Variants in GLIS3 observed in about 807,000 individuals in gnomAD.
GLIS3 encodes the protein zinc finger protein GLIS3.
A neutral mutation model predicts 78.6 loss-of-function variants in GLIS3; 53 were observed. The ratio of observed to expected loss-of-function variants is 0.67; its 90% CI spans 0.54 to 0.85. The LOEUF is 0.85. Ranked by LOEUF, GLIS3 falls within the 40% of genes least tolerant of loss-of-function variation. GLIS3 has a pLI of 0.00. For missense variants in GLIS3, 1,703 were observed against 1,231.1 expected, an observed-to-expected ratio of 1.38 and a Z score of -5.74; for synonymous variants, 684 against 509.9, an observed-to-expected ratio of 1.34 and a Z score of -4.60.
chr9:3,986,342 G>A (rs1407572506), intron 4 of GLIS3, among the ~76,000 whole-genome samples: 1 of 152,176 alleles, frequency 6.6e-6, no homozygotes. Flanking sequence ...TGATCACTAT[G>A]AATTAAATTC....
At chr9:4,420,951 T>G in the GLIS3 span, among the ~76,000 whole-genome samples, 2 of 152,344 alleles carry the variant, frequency 1.3e-5, no homozygotes, top group East Asian at 3.9e-4. Context: ...GAATATTTAT[T>G]TATTCTGGTC....
In GLIS3 at chr9:4,118,087, G is replaced by T; in HGVS notation, c.1391C>A (p.Ala464Asp). 6.4e-7 allele frequency: 1 copy of T among 1,561,524 alleles called. No individual in the cohort carries two copies. The highest frequency in any genetic ancestry group is 8.7e-7 in the Non-Finnish European group (1 of 1,152,228). Residue 464 changes from alanine to aspartate, a missense_variant, in exon 4 of 11, where the codon GCC becomes GAC. Ala to Asp is a moderately radical substitution (Grantham distance 126). Transcript: ENST00000381971. The surrounding 1 kb of genome is among the most constrained non-coding windows in gnomAD (Gnocchi z 4.7). ...CTCCGGGTGGTGAAGGTGCGCATGGGCATGGTAAGGGGGTGGGGGGCCTGG... is the reference window on the plus strand; with the variant it reads ...CTCCGGGTGGTGAAGGTGCGCATGGTCATGGTAAGGGGGTGGGGGGCCTGG... ...PPPGPPPPYHAHAHLHHPELG... is the reference protein window; with the variant it reads ...PPPGPPPPYHDHAHLHHPELG...
intron 2 of GLIS3, among the ~76,000 whole-genome samples, chr9:4,249,977 C>T (rs1195232216): frequency 1.3e-5 from 2 of 152,030 alleles, no homozygotes; most frequent in East Asian, 1.9e-4. Context: ...GCCAACTTGA[C>T]CGTGGTGGAT....
rs143332810 is a variant in GLIS3 at position 3,909,107 on chromosome 9, G to A, written c.1984-10272C>T. 2.3e-3 allele frequency among the ~76,000 whole-genome samples: 343 copies of A among 152,288 alleles called. 1 individual carries two copies. Among genetic ancestry groups the A allele is most frequent in the Admixed American group, 4.0e-3 (61 of 15,302 alleles). ...CACCAAAATATGTTCCAGAAGAAAC[G>A]AAGCCAGAAGGAAAGACAGTAGGAT... On this transcript the variant is annotated intron_variant, in intron 6 of 10. Transcript: ENST00000381971.
At chr9:3,859,350 AACACAC>A (rs34973607) in intron 8 of GLIS3, among the ~76,000 whole-genome samples, 7,961 of 148,456 alleles carry the variant, frequency 0.054, 293 homozygotes, top group Middle Eastern at 0.098. Flanking sequence ...GTTTCTTCGA[AACACAC>A]ACACACACAC....
At chr9:4,175,786 TC>T (rs1302682602) in intron 2 of GLIS3, among the ~76,000 whole-genome samples, 1 of 152,228 alleles carries the variant, frequency 6.6e-6, no homozygotes, top group Admixed American at 6.5e-5. Context: ...TCCTTTTACA[TC>T]AATTCATGCA....
intron 9 of GLIS3, among the ~76,000 whole-genome samples, chr9:3,837,578 T>C (rs1274740757): frequency 6.6e-6 from 1 of 152,192 alleles, no homozygotes; most frequent in Non-Finnish European, 1.5e-5. Flanking sequence ...CAATGGAATA[T>C]TATTCAGCAC....
intron 4 of GLIS3, among the ~76,000 whole-genome samples, chr9:4,039,370 C>T (rs1055871601): frequency 6.6e-6 from 1 of 152,162 alleles, no homozygotes; most frequent in East Asian, 1.9e-4. Flanking sequence ...AGCCACCAAA[C>T]ATTTTCTACA....
chr9:4,073,274 A>T (rs1307484914), intron 4 of GLIS3, among the ~76,000 whole-genome samples: 4 of 152,210 alleles, frequency 2.6e-5, no homozygotes, highest in Non-Finnish European at 5.9e-5. Flanking sequence ...TGAACACAGG[A>T]TGCTCCAAGT....
chr9:4,230,563 C>G (rs1029779333), intron 2 of GLIS3, among the ~76,000 whole-genome samples: 2 of 152,116 alleles, frequency 1.3e-5, no homozygotes, highest in African/African-American at 2.4e-5. Flanking sequence ...GGAAAGAAGT[C>G]TCAGGAAAAG....
intron 2 of GLIS3, among the ~76,000 whole-genome samples, chr9:4,254,492 T>C (rs1289528132): frequency 2.6e-5 from 4 of 152,098 alleles, no homozygotes; most frequent in Non-Finnish European, 5.9e-5. Flanking sequence ...ACAGACAAAA[T>C]GTGCCAAAGT....
At chr9:4,459,694 G>C in the GLIS3 span, among the ~76,000 whole-genome samples, 2 of 152,174 alleles carry the variant, frequency 1.3e-5, no homozygotes, top group African/African-American at 4.8e-5. Context: ...GAGCCCAGGA[G>C]GTCAAGTGAA....
At chr9:4,224,664 T>C (rs1472909389) in intron 2 of GLIS3, among the ~76,000 whole-genome samples, 1 of 151,990 alleles carries the variant, frequency 6.6e-6, no homozygotes, top group African/African-American at 2.4e-5. Flanking sequence ...TCACCCTTTG[T>C]TACATCCCAC....
intron 2 of GLIS3, among the ~76,000 whole-genome samples, chr9:4,314,238 T>C (rs2130533271): frequency 6.6e-6 from 1 of 152,338 alleles, no homozygotes; most frequent in East Asian, 1.9e-4. Context: ...AAATGTGAGC[T>C]GGTGTTGTTT....
intron 4 of GLIS3, among the ~76,000 whole-genome samples, chr9:3,974,301 T>C (rs1022676914): frequency 6.6e-6 from 1 of 152,134 alleles, no homozygotes; most frequent in African/African-American, 2.4e-5. Context: ...AGTTTTACCC[T>C]TTTCCTTCTT....
At chr9:4,199,313 G>C (rs1371593255) in intron 2 of GLIS3, among the ~76,000 whole-genome samples, 1 of 152,012 alleles carries the variant, frequency 6.6e-6, no homozygotes, top group Non-Finnish European at 1.5e-5. Context: ...GTCTTCAAGA[G>C]ACCCACCTCA....
At chr9:4,008,312 A>G (rs924201443) in intron 4 of GLIS3, among the ~76,000 whole-genome samples, 11 of 152,212 alleles carry the variant, frequency 7.2e-5, no homozygotes, top group South Asian at 2.1e-4. Context: ...CAAGTCTGGC[A>G]TCTCAGGCAG....
chr9:4,469,598 G>C, the GLIS3 span, among the ~76,000 whole-genome samples: 1 of 152,096 alleles, frequency 6.6e-6, no homozygotes, highest in African/African-American at 2.4e-5. Context: ...ACATAACAAA[G>C]ACACAACATA....
intron 2 of GLIS3, among the ~76,000 whole-genome samples, chr9:4,148,669 G>A (rs1834419529): frequency 6.6e-6 from 1 of 151,970 alleles, no homozygotes; most frequent in Non-Finnish European, 1.5e-5. Context: ...CTATGAACAG[G>A]TAATGCCCAC....
Sources: gnomAD v4.1 joint callset for allele counts (sites outside exome capture counted in the v4.1 genomes callset) on GRCh38, gnomAD v4.1.1 for gene constraint, Gnocchi (gnomAD v3.1) non-coding constraint, MANE v1.5 for transcripts, NCBI Gene and HGNC (gene_info 2026-07-23, HGNC 2026-07-21) for gene names.